The following NLGN4Y variants were observed in gnomAD, a reference collection of about 807,000 sequenced individuals.
NLGN4Y encodes the protein neuroligin 4 Y-linked, also known as neuroligin-4, Y-linked.
In NLGN4Y, 4 loss-of-function variants were observed where a neutral mutation model predicts 8.4. The ratio of observed to expected loss-of-function variants is 0.48; its 90% CI spans 0.23 to 1.09. The LOEUF (loss-of-function observed/expected upper bound fraction) is 1.09, where lower values mean the gene tolerates loss of function less well. Among genes scored for constraint, NLGN4Y ranks in the 50% least tolerant of loss-of-function variants. NLGN4Y has a pLI of 0.19. For synonymous variants in NLGN4Y, 35 were observed against 75.6 expected (o/e 0.46, Z 2.78); for missense variants, 90 against 192.3 (o/e 0.47, Z 3.15).
chrY:14,740,719 AT>A (rs2081003606), intron 4 of NLGN4Y, among the ~76,000 whole-genome samples: 1 of 33,863 alleles, frequency 3.0e-5, no homozygotes, highest in Non-Finnish European at 7.3e-5. Context: ...CTTATCATTT[AT>A]TTTCAATTAT....
chrY:14,759,304 TG>T (rs2081073141), intron 4 of NLGN4Y, among the ~76,000 whole-genome samples: 1 of 32,489 alleles, frequency 3.1e-5, no homozygotes, highest in South Asian at 7.2e-4. Context: ...TGTTTTGTTT[TG>T]TTTTTTTGTT....
chrY:14,830,468 T>C lies in NLGN4Y; in HGVS notation c.1610T>C (p.Val537Ala). Reference protein sequence around the residue: ...LFSCNFSKNDVMLSAVVMTYW... With the variant: ...LFSCNFSKNDAMLSAVVMTYW... ...AGTTGTAATTTCTCCAAGAACGACGTCATGCTCAGTGCCGTGGTGATGACC... is the reference window on the plus strand; with the variant it reads ...AGTTGTAATTTCTCCAAGAACGACGCCATGCTCAGTGCCGTGGTGATGACC... Residue 537 changes from valine (V) to alanine (A), a missense_variant, in exon 6 of 7, where the codon GTC becomes GCC. Val to Ala is a moderately conservative substitution (Grantham distance 64). Around this residue, in one of 4 missense-constraint regions of NLGN4Y, gnomAD observed 37 missense variants for 94.0 expected, o/e 0.39. Transcript: ENST00000684976. 2.5e-6 allele frequency: 1 copy of C among 399,192 alleles called. No homozygotes were observed. Among genetic ancestry groups the C allele is most frequent in the Non-Finnish European group, 3.5e-6 (1 of 283,743 alleles).
At chrY:14,772,433 C>A in intron 4 of NLGN4Y, among the ~76,000 whole-genome samples, 2 of 32,902 alleles carry the variant, frequency 6.1e-5, no homozygotes, top group Admixed American at 2.8e-4. Flanking sequence ...GCCTACCAAC[C>A]AAAAACGGCA....
At chrY:14,702,040 AG>A (rs2080849959) in intron 2 of NLGN4Y, among the ~76,000 whole-genome samples, 1 of 31,073 alleles carries the variant, frequency 3.2e-5, no homozygotes, top group African/African-American at 1.3e-4. Context: ...TACATTTTGG[AG>A]ATGAAGTCAC....
chrY:14,748,657 T>A (rs1361751156), intron 4 of NLGN4Y: 1 of 186,269 alleles, frequency 5.4e-6, no homozygotes, highest in Non-Finnish European at 1.0e-5. Context: ...CAAGCATCGT[T>A]GTCAGCTGCA....
At chrY:14,829,366 A>T (rs2043162106) in intron 5 of NLGN4Y, among the ~76,000 whole-genome samples, 1 of 33,262 alleles carries the variant, frequency 3.0e-5, no homozygotes, top group Non-Finnish European at 7.4e-5. Context: ...TGGAAATGGG[A>T]ATGTAGTTGC....
At chrY:14,783,727 T>G (rs755860734) in intron 4 of NLGN4Y, among the ~76,000 whole-genome samples, 4 of 34,074 alleles carry the variant, frequency 1.2e-4, no homozygotes, top group Non-Finnish European at 2.9e-4. Context: ...TATTTGAAAT[T>G]TCATACCCAC....
chrY:14,654,642 G>T (rs2080642689), intron 2 of NLGN4Y, among the ~76,000 whole-genome samples: 4 of 30,475 alleles, frequency 1.3e-4, no homozygotes, highest in Non-Finnish European at 2.4e-4. Context: ...TTATAGTTTG[G>T]ATTCATCAAA....
At chrY:14,809,623 C>T (rs2043070610) in intron 4 of NLGN4Y, among the ~76,000 whole-genome samples, 2 of 30,548 alleles carry the variant, frequency 6.5e-5, no homozygotes, top group Admixed American at 5.9e-4. Flanking sequence ...TCTTTTCTCA[C>T]GGCAACCTCT....
chrY:14,579,157 C>T, intron 1 of NLGN4Y, among the ~76,000 whole-genome samples: 1 of 33,863 alleles, frequency 3.0e-5, no homozygotes, highest in Non-Finnish European at 7.3e-5. Flanking sequence ...ATCTGACATC[C>T]TAGAGTTAAA....
chrY:14,610,713 T>G, intron 1 of NLGN4Y, among the ~76,000 whole-genome samples: 1 of 32,966 alleles, frequency 3.0e-5, no homozygotes, highest in African/African-American at 1.2e-4. Context: ...TAGGTGTCTC[T>G]TAGGTCTGCT....
At chrY:14,819,640 T>A (rs759055279) in intron 4 of NLGN4Y, among the ~76,000 whole-genome samples, 1 of 32,804 alleles carries the variant, frequency 3.0e-5, no homozygotes, top group South Asian at 7.3e-4. Flanking sequence ...TTATTACTGA[T>A]AGGAAAGGGA....
At chrY:14,676,303 G>A (rs542458688) in intron 2 of NLGN4Y, among the ~76,000 whole-genome samples, 9 of 33,181 alleles carry the variant, frequency 2.7e-4, no homozygotes, top group African/African-American at 1.0e-3. Context: ...CCCAAAATCC[G>A]TTCTCTATCC....
At chrY:14,745,388 T>C in intron 4 of NLGN4Y, among the ~76,000 whole-genome samples, 1 of 33,633 alleles carries the variant, frequency 3.0e-5, no homozygotes, top group East Asian at 7.9e-4. Flanking sequence ...ATCAGACTTT[T>C]TGGCCAGTCC....
intron 1 of NLGN4Y, among the ~76,000 whole-genome samples, chrY:14,597,536 A>G (rs1022584597): frequency 1.5e-4 from 5 of 32,688 alleles, no homozygotes; most frequent in Non-Finnish European, 3.0e-4. Flanking sequence ...TTCGACACAC[A>G]TGTTCTCCAA....
intron 4 of NLGN4Y, among the ~76,000 whole-genome samples, chrY:14,804,562 C>T: frequency 3.0e-5 from 1 of 33,634 alleles, no homozygotes; most frequent in Admixed American, 2.7e-4. Flanking sequence ...AGACAAAAAG[C>T]TTCAGATTCA....
intron 2 of NLGN4Y, among the ~76,000 whole-genome samples, chrY:14,698,502 T>G: frequency 3.0e-5 from 1 of 33,332 alleles, no homozygotes; most frequent in African/African-American, 1.2e-4. Context: ...AGAGGCCACC[T>G]GTATTCCTTG....
chrY:14,596,988 C>T, intron 1 of NLGN4Y, among the ~76,000 whole-genome samples: 1 of 32,772 alleles, frequency 3.1e-5, no homozygotes, highest in Admixed American at 2.8e-4. Flanking sequence ...AATGAAGCTG[C>T]GGACCCTCAT....
chrY:14,566,455 G>A (rs2080251932), intron 1 of NLGN4Y, among the ~76,000 whole-genome samples: 1 of 33,618 alleles, frequency 3.0e-5, no homozygotes, highest in Admixed American at 2.7e-4. Context: ...AGGGATCTAT[G>A]CAGCAAGAAG....
Sources: gnomAD v4.1 joint callset for allele counts (sites outside exome capture counted in the v4.1 genomes callset) on GRCh38, gnomAD v4.1.1 for gene constraint, gnomAD v4.1.1 regional missense constraint, MANE v1.5 for transcripts, NCBI Gene and HGNC (gene_info 2026-07-23, HGNC 2026-07-21) for gene names.